The following NRDC variants were observed in gnomAD, a reference collection of about 807,000 sequenced individuals.
The protein encoded by NRDC is nardilysin convertase.
NRDC carries 54 observed loss-of-function variants against 147.1 expected under a neutral mutation model. The ratio of observed to expected loss-of-function variants is 0.37; its 90% CI spans 0.29 to 0.46. The LOEUF is 0.46. Ranked by LOEUF, NRDC falls within the 20% of genes least tolerant of loss-of-function variation. NRDC has a pLI of 1.00. For missense variants in NRDC, 1,082 were observed against 1,370.6 expected (o/e 0.79, Z 3.33); for synonymous variants, 440 against 482.1 (o/e 0.91, Z 1.14).
intron 8 of NRDC, among the ~76,000 whole-genome samples, chr1:51,820,227 T>A (rs1313506743): frequency 6.6e-6 from 1 of 152,210 alleles, no homozygotes; most frequent in Non-Finnish European, 1.5e-5. Flanking sequence ...AATACTTTTT[T>A]AAAATCAACG....
At chr1:51,871,515 TAAAAAAAAAAAAA>T (rs60495773) in intron 1 of NRDC, among the ~76,000 whole-genome samples, 107 of 21,018 alleles carry the variant, frequency 5.1e-3, no homozygotes, top group African/African-American at 0.015. Context: ...ACTGGTTCAT[TAAAAAAAAAAAAA>T]AAAAAAAAAA....
intron 1 of NRDC, among the ~76,000 whole-genome samples, chr1:51,844,859 AAGGAAGGAAGGAAGGAAGGAAGG>A (rs1281894271): frequency 2.9e-4 from 39 of 136,116 alleles, no homozygotes; most frequent in Non-Finnish European, 1.2e-4. Context: ...GGAAGGAAGG[AAGGAAGGAAGGAAGGAAGGAAGG>A]AAGGAAACCA....
intron 1 of NRDC, among the ~76,000 whole-genome samples, chr1:51,869,149 T>G (rs1159563705): frequency 6.6e-6 from 1 of 152,012 alleles, no homozygotes; most frequent in Admixed American, 6.6e-5. Context: ...AGGGTCTTGT[T>G]TTGTTACCCA....
chr1:51,805,702 A>G (rs1018797653), intron 18 of NRDC, 141 bp from the exon 19 acceptor site: 21 of 584,068 alleles, frequency 3.6e-5, no homozygotes, highest in Non-Finnish European at 6.3e-5. Context: ...CTTTATTCTT[A>G]AGGGTCTTTA....
chr1:51,821,624 G>C, intron 7 of NRDC, 69 bp from the exon 8 acceptor site: 1 of 1,076,508 alleles, frequency 9.3e-7, no homozygotes, highest in Non-Finnish European at 1.4e-6. Flanking sequence ...AATGCAATTA[G>C]ATTTCTCAGA....
chr1:51,840,205 G>T (rs747982744), intron 2 of NRDC, 21 bp downstream of exon 2: 1 of 1,556,114 alleles, frequency 6.4e-7, no homozygotes. Flanking sequence ...CAAATTAGAA[G>T]AAAACAGACA....
At chr1:51,872,341 C>T (rs1331827139) in intron 1 of NRDC, among the ~76,000 whole-genome samples, 1 of 152,170 alleles carries the variant, frequency 6.6e-6, no homozygotes, top group Middle Eastern at 3.2e-3. Flanking sequence ...CAGACATACA[C>T]ACACACACAC....
At chr1:51,874,291 T>C (rs1355211649) in intron 1 of NRDC, among the ~76,000 whole-genome samples, 54 of 152,096 alleles carry the variant, frequency 3.6e-4, no homozygotes, top group Non-Finnish European at 1.9e-4. Flanking sequence ...TTAAGTGTTC[T>C]TCATTGTTAA....
intron 1 of NRDC, among the ~76,000 whole-genome samples, chr1:51,849,755 G>A (rs1259659812): frequency 1.3e-5 from 2 of 152,028 alleles, no homozygotes; most frequent in Non-Finnish European, 2.9e-5. Flanking sequence ...GGCGGAGCTT[G>A]CAGTGAGCCG....
intron 5 of NRDC, among the ~76,000 whole-genome samples, chr1:51,826,862 C>T (rs1680469464): frequency 6.6e-6 from 1 of 152,150 alleles, no homozygotes; most frequent in Admixed American, 6.5e-5. Flanking sequence ...TGTTTAAACA[C>T]TGGTGTCAAC....
chr1:51,809,804 G>A (rs1375044057), intron 16 of NRDC, among the ~76,000 whole-genome samples: 1 of 151,968 alleles, frequency 6.6e-6, no homozygotes, highest in Non-Finnish European at 1.5e-5. Flanking sequence ...TGGGAAGCAG[G>A]GACAGGAGAA....
intron 17 of NRDC, 151 bp from the exon 18 acceptor site, chr1:51,807,064 C>A: frequency 3.8e-6 from 3 of 798,778 alleles, no homozygotes; most frequent in South Asian, 4.4e-5. Flanking sequence ...TAGACCAATA[C>A]CAAAGGGAAA....
Position 51,789,554 on chromosome 1 carries a change from T to C in NRDC, c.3258+14A>G. The C allele has an allele frequency of 1.9e-6, 3 of 1,608,268 alleles. No individual in the cohort carries two copies. Among genetic ancestry groups the C allele is most frequent in the South Asian group, 1.1e-5 (1 of 90,960 alleles). ...ACAACCCTAGAATGGATGGAGTTAG[T>C]TAAACATACTCACATGAACGCTGAG... On this transcript the variant is annotated intron_variant, in intron 30 of 30. Coordinates refer to ENST00000352171, the MANE Select transcript of NRDC (RefSeq NM_001101662.2).
At position 51,798,491 on chromosome 1, in the gene NRDC, A is replaced by C. The variant is rs999753809; in HGVS notation, c.2442-80T>G. 1.9e-5 allele frequency: 23 copies of C among 1,212,046 alleles called. No individual in the cohort carries two copies. In the East Asian group the frequency reaches 5.7e-4, roughly 30 times the overall value. 75.1% of individuals were successfully genotyped at this position (1,212,046 alleles called of 1,614,324 possible). A position where few individuals can be genotyped will look rare whatever the true frequency, so the allele number is the denominator to read the frequency against. Reference sequence around the variant, plus strand: ...TCAGAATAAAGAAATGTTTGGTCAAAGTTCTATAAAGGATGTGTTTCTAAA... The same window carrying C: ...TCAGAATAAAGAAATGTTTGGTCAACGTTCTATAAAGGATGTGTTTCTAAA... On this transcript the variant is annotated intron_variant, in intron 21 of 30. Transcript: ENST00000352171.
intron 1 of NRDC, among the ~76,000 whole-genome samples, chr1:51,850,511 G>A (rs1681896392): frequency 6.6e-6 from 1 of 152,184 alleles, no homozygotes; most frequent in African/African-American, 2.4e-5. Context: ...AAAATATTAA[G>A]TTCTTTCAAG....
chr1:51,840,415 CTCT>C lies in NRDC; in HGVS notation c.438_440del (p.Glu148del), dbSNP rs753675381. On this transcript the variant is annotated inframe_deletion, in exon 2 of 31. Coordinates refer to ENST00000352171, the MANE Select transcript of NRDC (RefSeq NM_001101662.2). ...CATCTTCTTCTTCTTCCTCCACCTC[CTCT>C]TCTTCTTCATCATCTGTTGTATTTC... The C allele has an allele frequency of 2.5e-6, 4 of 1,594,720 alleles. No homozygotes were observed. The highest frequency in any genetic ancestry group is 1.7e-5 in the Admixed American group (1 of 59,954).
In NRDC at chr1:51,836,111, G is replaced by A. The variant is rs758596535; in HGVS notation, c.712+20C>T. 1.9e-6 allele frequency: 3 copies of A among 1,602,448 alleles called. No homozygotes were observed. Among genetic ancestry groups the A allele is most frequent in the Non-Finnish European group, 2.6e-6 (3 of 1,169,598 alleles). On this transcript the variant is annotated intron_variant, in intron 3 of 30. Transcript: ENST00000352171. ...GGGGGGAAAAAAACACACCAGGAAT[G>A]ATATTTTACAAATTCTTACTGTGCT...
At chr1:51,833,526 T>G (rs1285607868) in intron 4 of NRDC, among the ~76,000 whole-genome samples, 1 of 152,090 alleles carries the variant, frequency 6.6e-6, no homozygotes, top group Admixed American at 6.5e-5. Context: ...TTGACTTTTA[T>G]TTTAATCTTT....
chr1:51,846,303 G>T (rs932016256), intron 1 of NRDC, among the ~76,000 whole-genome samples: 1 of 151,988 alleles, frequency 6.6e-6, no homozygotes, highest in Non-Finnish European at 1.5e-5. Context: ...AATAGAGACG[G>T]GGTTTTCACC....
Sources: allele counts gnomAD v4.1 joint callset (sites outside exome capture counted in the v4.1 genomes callset), GRCh38; gene constraint gnomAD v4.1.1; transcripts MANE v1.5; gene names NCBI Gene and HGNC (gene_info 2026-07-23, HGNC 2026-07-21).